The following CORO2B variants were observed in gnomAD, a reference collection of about 807,000 sequenced individuals.
CORO2B encodes the protein coronin-2B.
Under a neutral mutation model 58.8 loss-of-function variants are expected in CORO2B, and 26 were observed. The ratio of observed to expected loss-of-function variants is 0.44; its 90% confidence interval spans 0.32 to 0.61. CORO2B has a LOEUF of 0.61. Among genes scored for constraint, CORO2B ranks in the 20% least tolerant of loss-of-function variants. The probability of loss-of-function intolerance (pLI) is 0.04; values close to 1 mark genes in which losing one functional copy is unlikely to be tolerated. For synonymous variants in CORO2B, 242 were observed against 253.8 expected, an observed-to-expected ratio of 0.95 and a Z score of 0.44; for missense variants, 460 against 645.1, an observed-to-expected ratio of 0.71 and a Z score of 3.11.
the CORO2B span, among the ~76,000 whole-genome samples, chr15:68,567,893 G>A: frequency 2.0e-5 from 3 of 152,158 alleles, no homozygotes; most frequent in Non-Finnish European, 4.4e-5. Context: ...GGTGGCAGGC[G>A]CCTGTAATCC....
At chr15:68,551,970 C>A in the CORO2B span, among the ~76,000 whole-genome samples, 210 of 143,362 alleles carry the variant, frequency 1.5e-3, no homozygotes, top group Non-Finnish European at 2.6e-3. Context: ...GGGTGGGGGC[C>A]GGGGGAGACC....
intron 1 of CORO2B, among the ~76,000 whole-genome samples, chr15:68,640,839 G>A (rs1901193062): frequency 6.6e-6 from 1 of 152,210 alleles, no homozygotes; most frequent in African/African-American, 2.4e-5. Context: ...AGAAAGAGAA[G>A]GGCTGGGGTA....
chr15:68,660,145 C>T (rs1901966732), intron 2 of CORO2B, among the ~76,000 whole-genome samples: 1 of 152,300 alleles, frequency 6.6e-6, no homozygotes, highest in East Asian at 1.9e-4. Flanking sequence ...TCTCCTTTGA[C>T]CATGTGCCTG....
chr15:68,563,539 A>T, the CORO2B span, among the ~76,000 whole-genome samples: 1 of 151,840 alleles, frequency 6.6e-6, no homozygotes, highest in Non-Finnish European at 1.5e-5. Context: ...GAAAAGAAAA[A>T]AATTAAGTGG....
intron 1 of CORO2B, among the ~76,000 whole-genome samples, chr15:68,608,981 A>T (rs1900186627): frequency 6.6e-6 from 1 of 152,244 alleles, no homozygotes. Context: ...ACTCAAACTC[A>T]GACCCTATCC....
At position 68,648,046 on chromosome 15, in the gene CORO2B, AAAG is replaced by A. The variant is rs1314023578; in HGVS notation, c.216+2688_216+2690del. The stretch of plus-strand genomic sequence containing the variant: ...CTGTCTCTCAAAAAAAAAAAAAAAA[AAAG>A]AGTCTGGGCATGGTGGCTCACGCCT... On this transcript the variant is annotated intron_variant, in intron 2 of 11. Coordinates refer to ENST00000261861, the MANE Select transcript of CORO2B (RefSeq NM_006091.5). 1.8e-3 allele frequency among the ~76,000 whole-genome samples: 258 copies of A among 141,878 alleles called. 6 individuals carry two copies. Among genetic ancestry groups the A allele is most frequent in the African/African-American group, 7.4e-3 (245 of 33,204 alleles). 93.1% of individuals were successfully genotyped at this position (141,878 alleles called of 152,430 possible).
intron 1 of CORO2B, among the ~76,000 whole-genome samples, chr15:68,580,244 A>C (rs1169007676): frequency 1.3e-5 from 2 of 152,358 alleles, no homozygotes; most frequent in East Asian, 3.9e-4. Flanking sequence ...TACTGAGCTC[A>C]CAGTCTGGCG....
chr15:68,568,515 A>G, the CORO2B span, among the ~76,000 whole-genome samples: 1 of 152,072 alleles, frequency 6.6e-6, no homozygotes, highest in African/African-American at 2.4e-5. Flanking sequence ...GGACACTGGG[A>G]CCCCAAAAGT....
chr15:68,724,660 A>G (rs1171007743), intron 11 of CORO2B, among the ~76,000 whole-genome samples: 2 of 152,198 alleles, frequency 1.3e-5, no homozygotes, highest in Non-Finnish European at 2.9e-5. Context: ...TTAAGTTTTT[A>G]TAGAAACAAC....
intron 1 of CORO2B, chr15:68,616,717 G>A (rs1033875686): frequency 3.7e-5 from 26 of 705,968 alleles, no homozygotes; most frequent in Non-Finnish European, 4.5e-5. Flanking sequence ...CAAGGGCCCC[G>A]AGAGCTGGGT....
intron 1 of CORO2B, among the ~76,000 whole-genome samples, chr15:68,620,373 G>T (rs1355558189): frequency 1.3e-5 from 2 of 152,226 alleles, no homozygotes; most frequent in African/African-American, 4.8e-5. Flanking sequence ...TGGTTCGGGT[G>T]ATTTGTAGAA....
chr15:68,616,662 C>A (rs762395637), intron 1 of CORO2B: 68 of 964,280 alleles, frequency 7.1e-5, no homozygotes, highest in Non-Finnish European at 8.3e-5. Context: ...AGCAGGCAAT[C>A]CCATGTCATC....
the CORO2B span, among the ~76,000 whole-genome samples, chr15:68,554,869 GGCCACTCGACA>G: frequency 0.16 from 24,825 of 152,054 alleles, 2,251 homozygotes; most frequent in Middle Eastern, 0.24. Context: ...GGTCAGAAAA[GGCCACTCGACA>G]GCCAGTGCAA....
chr15:68,563,816 G>T, the CORO2B span, among the ~76,000 whole-genome samples: 1 of 152,060 alleles, frequency 6.6e-6, no homozygotes, highest in Admixed American at 6.5e-5. Context: ...AAAAACTGAC[G>T]AAGAAACAGG....
intron 3 of CORO2B, among the ~76,000 whole-genome samples, chr15:68,707,904 G>A (rs546311166): frequency 1.3e-5 from 2 of 152,110 alleles, no homozygotes; most frequent in East Asian, 3.9e-4. Flanking sequence ...AGAGCATTGG[G>A]GTATTCTGGG....
chr15:68,656,449 ACT>A (rs1291032492), intron 2 of CORO2B, among the ~76,000 whole-genome samples: 6 of 151,532 alleles, frequency 4.0e-5, no homozygotes, highest in African/African-American at 1.2e-4. Context: ...AGTGCTTAAA[ACT>A]CTGCAATTTA....
At chr15:68,634,127 C>T (rs1004733717) in intron 1 of CORO2B, among the ~76,000 whole-genome samples, 1 of 152,312 alleles carries the variant, frequency 6.6e-6, no homozygotes, top group African/African-American at 2.4e-5. Flanking sequence ...ACCAAGAAGC[C>T]GGAGGCCATG....
rs1451925821 is a variant in CORO2B, at chr15:68,726,951, G to A, written c.*977G>A. The stretch of plus-strand genomic sequence containing the variant: ...ACACTGCCCAGTTGAGGCCCCTCAC[G>A]CTCTGTGCCCCTAGATCCTTCAGGT... On this transcript the variant is annotated 3_prime_UTR_variant, in exon 12 of 12. Coordinates refer to ENST00000261861, the MANE Select transcript of CORO2B (RefSeq NM_006091.5). The A allele has an allele frequency of 2.6e-5, 4 of 152,314 alleles. No individual in the cohort carries two copies. Among genetic ancestry groups the A allele is most frequent in the Admixed American group, 6.5e-5 (1 of 15,280 alleles). The allele number at this position is 152,314 out of a possible 1,614,324, so 9.4% of individuals were successfully genotyped here. A position where few individuals can be genotyped will look rare whatever the true frequency, so the allele number is the denominator to read the frequency against.
chr15:68,558,243 C>CATCCAAGCCCAGCTTCCGG, the CORO2B span, among the ~76,000 whole-genome samples: 1 of 152,204 alleles, frequency 6.6e-6, no homozygotes, highest in Non-Finnish European at 1.5e-5. Context: ...AACATCTCTA[C>CATCCAAGCCCAGCTTCCGG]ATCCAAGCCC....
Sources: allele counts gnomAD v4.1 joint callset (sites outside exome capture counted in the v4.1 genomes callset), GRCh38; gene constraint gnomAD v4.1.1; transcripts MANE v1.5; gene names NCBI Gene and HGNC (gene_info 2026-07-23, HGNC 2026-07-21).